GRM1: variants seen among roughly 807,000 people sequenced by gnomAD.
GRM1 encodes metabotropic glutamate receptor 1.
GRM1 carries 33 observed loss-of-function variants against 90.9 expected under a neutral mutation model. That is an observed-to-expected ratio of 0.36 (90% CI 0.28 to 0.49). The LOEUF (loss-of-function observed/expected upper bound fraction) is 0.49, where lower values mean the gene tolerates loss of function less well. Ranked by LOEUF, GRM1 falls within the 20% of genes least tolerant of loss-of-function variation. GRM1 has a pLI of 0.99. For synonymous variants in GRM1, 700 were observed against 613.2 expected, an observed-to-expected ratio of 1.14 and a Z score of -2.09; for missense variants, 1,190 against 1,534.3, an observed-to-expected ratio of 0.78 and a Z score of 3.75.
chr6:146,192,365 C>G (rs1778960645), intron 2 of GRM1, among the ~76,000 whole-genome samples: 1 of 152,086 alleles, frequency 6.6e-6, no homozygotes, highest in Admixed American at 6.6e-5. Context: ...AGAAGCTGGG[C>G]ACTAAAATCT....
chr6:146,356,131 G>A (rs995597971), intron 4 of GRM1, among the ~76,000 whole-genome samples: 1 of 152,144 alleles, frequency 6.6e-6, no homozygotes, highest in Non-Finnish European at 1.5e-5. Context: ...GTACAAAGTT[G>A]TTCTCCAGTA....
At chr6:146,430,017 A>G (rs1778352542) in intron 7 of GRM1, among the ~76,000 whole-genome samples, 1 of 152,134 alleles carries the variant, frequency 6.6e-6, no homozygotes, top group Non-Finnish European at 1.5e-5. Flanking sequence ...TGATGATCTC[A>G]AACACCCACC....
chr6:146,099,617 T>C (rs1776983703), intron 1 of GRM1, among the ~76,000 whole-genome samples: 1 of 152,232 alleles, frequency 6.6e-6, no homozygotes, highest in Non-Finnish European at 1.5e-5. Context: ...AGATAAATTT[T>C]TCTGTTTTTG....
At chr6:146,224,008 C>T (rs546494120) in intron 2 of GRM1, among the ~76,000 whole-genome samples, 1 of 152,174 alleles carries the variant, frequency 6.6e-6, no homozygotes, top group African/African-American at 2.4e-5. Flanking sequence ...GAAAAAAACC[C>T]AGTATCTTCA....
intron 3 of GRM1, among the ~76,000 whole-genome samples, chr6:146,348,766 G>C (rs1434966542): frequency 6.6e-6 from 1 of 152,214 alleles, no homozygotes; most frequent in East Asian, 1.9e-4. Context: ...ATCCCAGAGA[G>C]AAGTCCTAAA....
chr6:146,351,745 C>T (rs915869513), intron 3 of GRM1, among the ~76,000 whole-genome samples: 24 of 151,976 alleles, frequency 1.6e-4, no homozygotes, highest in Non-Finnish European at 3.1e-4. Flanking sequence ...CCAGTTCTAA[C>T]TCTGGATTTT....
chr6:146,311,451 A>G (rs1783766802), intron 3 of GRM1, among the ~76,000 whole-genome samples: 1 of 152,260 alleles, frequency 6.6e-6, no homozygotes, highest in Non-Finnish European at 1.5e-5. Context: ...ATAATTTCTC[A>G]GACAAATCTG....
intron 2 of GRM1, among the ~76,000 whole-genome samples, chr6:146,214,221 C>A (rs1438777839): frequency 6.6e-6 from 1 of 152,118 alleles, no homozygotes; most frequent in Non-Finnish European, 1.5e-5. Flanking sequence ...CTAAGATTAA[C>A]CATCACAACT....
intron 2 of GRM1, among the ~76,000 whole-genome samples, chr6:146,198,072 T>C (rs1238512291): frequency 6.6e-6 from 1 of 152,256 alleles, no homozygotes; most frequent in African/African-American, 2.4e-5. Flanking sequence ...ATTACCTTGA[T>C]TGTAGTGATG....
intron 2 of GRM1, among the ~76,000 whole-genome samples, chr6:146,284,198 G>A (rs1015256488): frequency 6.6e-6 from 1 of 152,046 alleles, no homozygotes; most frequent in Non-Finnish European, 1.5e-5. Flanking sequence ...CAGGAATGCT[G>A]GCTTAACAAT....
Position 146,310,188 on chromosome 6 carries a change from C to G in GRM1, c.1186+5342C>G, listed in dbSNP as rs145276222. Among the ~76,000 whole-genome samples the G allele has an allele frequency of 1.1e-4, 16 of 152,350 alleles. No individual in the cohort carries two copies. The South Asian group carries it at 3.1e-3, about 30-fold the overall frequency. ...TTTAAGACTTTGAAGCAAGGGGACTCTTACTCCAATAGTTTGGAGGCTGCC... is the reference window on the plus strand; with the variant it reads ...TTTAAGACTTTGAAGCAAGGGGACTGTTACTCCAATAGTTTGGAGGCTGCC... On this transcript the variant is annotated intron_variant, in intron 3 of 7. Coordinates refer to ENST00000282753, the MANE Select transcript of GRM1 (RefSeq NM_001278064.2).
In GRM1 at chr6:146,352,374, C is replaced by T. The variant is rs1282595014; in HGVS notation, c.1311C>T (p.Gly437=). The T allele has an allele frequency of 1.9e-6, 3 of 1,614,180 alleles. No homozygotes were observed. Among genetic ancestry groups the T allele is most frequent in the Non-Finnish European group, 2.5e-6 (3 of 1,180,004 alleles). The change falls in exon 4 of 8, where the codon GGC becomes GGT. Residue 437 remains glycine (G), a synonymous_variant. Coordinates refer to ENST00000282753, the MANE Select transcript of GRM1 (RefSeq NM_001278064.2). The part of the protein sequence containing the change: ...MHHALCPGHV[G]LCDAMKPIDG... ...ATGCCCTCTGCCCTGGCCACGTGGGCCTCTGCGATGCCATGAAGCCCATCG... is the reference window on the plus strand; with the variant it reads ...ATGCCCTCTGCCCTGGCCACGTGGGTCTCTGCGATGCCATGAAGCCCATCG...
chr6:146,062,018 T>C (rs1231132885), intron 1 of GRM1, among the ~76,000 whole-genome samples: 1 of 152,262 alleles, frequency 6.6e-6, no homozygotes, highest in East Asian at 1.9e-4. Context: ...GGATTATAAG[T>C]CATTTTACTA....
chr6:146,335,006 A>C (rs1287906584), intron 3 of GRM1, among the ~76,000 whole-genome samples: 1 of 152,126 alleles, frequency 6.6e-6, no homozygotes, highest in Non-Finnish European at 1.5e-5. Context: ...ATGAGAAAAA[A>C]TTATCCATTA....
chr6:146,255,691 C>T (rs1441452991), intron 2 of GRM1, among the ~76,000 whole-genome samples: 3 of 152,156 alleles, frequency 2.0e-5, no homozygotes, highest in Non-Finnish European at 4.4e-5. Flanking sequence ...GAAATCATCT[C>T]TTTTTACAAA....
chr6:146,047,889 A>G (rs922905694), intron 1 of GRM1, among the ~76,000 whole-genome samples: 6 of 152,022 alleles, frequency 3.9e-5, no homozygotes, highest in African/African-American at 9.7e-5. Context: ...CACATGAAAG[A>G]TGGCATATAA....
chr6:146,200,953 G>A (rs573769145), intron 2 of GRM1, among the ~76,000 whole-genome samples: 38 of 152,196 alleles, frequency 2.5e-4, no homozygotes, highest in African/African-American at 8.9e-4. Flanking sequence ...TCATTTCTTG[G>A]CTGTTAGAAA....
intron 1 of GRM1, among the ~76,000 whole-genome samples, chr6:146,037,315 G>A (rs1441904081): frequency 6.6e-6 from 1 of 151,850 alleles, no homozygotes; most frequent in Non-Finnish European, 1.5e-5. Context: ...TTAAGATAAA[G>A]GTGTAGCATC....
intron 2 of GRM1, among the ~76,000 whole-genome samples, chr6:146,279,246 CTCTT>C (rs554986579): frequency 6.8e-4 from 104 of 152,128 alleles, no homozygotes; most frequent in African/African-American, 1.8e-3. Flanking sequence ...CTCTGTCTCT[CTCTT>C]TCAGTATATC....
Sources: gnomAD v4.1 joint callset for allele counts (sites outside exome capture counted in the v4.1 genomes callset) on GRCh38, gnomAD v4.1.1 for gene constraint, MANE v1.5 for transcripts, NCBI Gene and HGNC (gene_info 2026-07-23, HGNC 2026-07-21) for gene names.